Variants in PLCG2 observed in about 807,000 individuals in gnomAD.
PLCG2 encodes phospholipase C gamma 2.
In PLCG2, 69 loss-of-function variants were observed where a neutral mutation model predicts 175.6. The ratio of observed to expected loss-of-function variants is 0.39; its 90% CI spans 0.32 to 0.48. PLCG2 has a LOEUF of 0.48. Ranked by LOEUF, PLCG2 falls within the 20% of genes least tolerant of loss-of-function variation. The probability of loss-of-function intolerance (pLI) is 0.91; values close to 1 mark genes in which losing one functional copy is unlikely to be tolerated. For missense variants in PLCG2, 1,798 were observed against 1,650.9 expected (o/e 1.09, Z -1.54); for synonymous variants, 827 against 624.0 (o/e 1.33, Z -4.85).
At chr16:81,820,529 G>C (rs1904748360) in intron 2 of PLCG2, among the ~76,000 whole-genome samples, 1 of 152,206 alleles carries the variant, frequency 6.6e-6, no homozygotes, top group Non-Finnish European at 1.5e-5. Flanking sequence ...CAGCATTCCA[G>C]TGACCGAATA....
At chr16:81,874,017 G>T (rs909000716) in intron 7 of PLCG2, among the ~76,000 whole-genome samples, 6 of 152,192 alleles carry the variant, frequency 3.9e-5, no homozygotes, top group African/African-American at 1.4e-4. Context: ...ATTGCCCCGT[G>T]TGGAACTTTG....
chr16:81,957,594 G>A (rs76743224), intron 32 of PLCG2, among the ~76,000 whole-genome samples: 2,364 of 152,204 alleles, frequency 0.016, 55 homozygotes, highest in African/African-American at 0.054. Flanking sequence ...GGTGCGGGGC[G>A]GCCGGGGTTG....
intron 14 of PLCG2, among the ~76,000 whole-genome samples, chr16:81,902,631 A>G (rs979806256): frequency 1.3e-5 from 2 of 151,910 alleles, no homozygotes; most frequent in African/African-American, 4.8e-5. Flanking sequence ...TGAGAGCTCT[A>G]CCCTCATTCC....
In PLCG2 at chr16:81,905,485, A is replaced by C; in HGVS notation, c.1445A>C (p.Tyr482Ser). 1 of 1,613,972 alleles carries C rather than the reference A, an allele frequency of 6.2e-7. No individual in the cohort carries two copies. The change falls in exon 15 of 33, where the codon TAC becomes TCC. Residue 482 changes from tyrosine to serine, a missense_variant. Tyr to Ser is a moderately radical substitution (Grantham distance 144, BLOSUM62 -2). Coordinates refer to ENST00000564138, the MANE Select transcript of PLCG2 (RefSeq NM_002661.5). ...GAACACAAGCAACAGGGGGAGCTGT[A>C]CATGTGGGATTCCATTGACCAGGTG... is the stretch of plus-strand genomic sequence containing the variant. ...KDEHKQQGEL[Y>S]MWDSIDQKWT...
chr16:81,770,816 T>A (rs146162216), intron 2 of PLCG2, among the ~76,000 whole-genome samples: 1 of 152,238 alleles, frequency 6.6e-6, no homozygotes, highest in African/African-American at 2.4e-5. Context: ...CCCAGCACTT[T>A]GCGGGGCCGA....
chr16:81,830,626 C>G (rs575879036), intron 2 of PLCG2, among the ~76,000 whole-genome samples: 2 of 149,456 alleles, frequency 1.3e-5, no homozygotes, highest in Non-Finnish European at 3.0e-5. Context: ...TCTTAAAAAA[C>G]AACAACAAAA....
intron 22 of PLCG2, among the ~76,000 whole-genome samples, chr16:81,925,894 A>AGAG (rs60349380): frequency 7.9e-6 from 1 of 126,320 alleles, no homozygotes; most frequent in Admixed American, 7.7e-5. Context: ...TCAAAAAAAA[A>AGAG]AAAAAAAAAA....
intron 7 of PLCG2, among the ~76,000 whole-genome samples, chr16:81,874,946 G>GTGTTTTTTTGTTTTTT (rs1907694716): frequency 2.3e-5 from 1 of 42,848 alleles, no homozygotes; most frequent in African/African-American, 7.1e-5. Context: ...ACTATCCTAT[G>GTGTTTTTTTGTTTTTT]TGTTTTTTTT....
chr16:81,937,936 C>G (rs1379964892), intron 28 of PLCG2, 33 bp downstream of exon 28: 3 of 1,609,366 alleles, frequency 1.9e-6, no homozygotes, highest in Admixed American at 1.7e-5. Flanking sequence ...GCCAGGGGAG[C>G]CAGCCGCCCT....
chr16:81,870,385 C>G (rs1907454867), intron 6 of PLCG2, among the ~76,000 whole-genome samples: 1 of 152,226 alleles, frequency 6.6e-6, no homozygotes, highest in Non-Finnish European at 1.5e-5. Context: ...TTCTGTCTGA[C>G]TCCCAATGCT....
At chr16:81,839,537 T>C (rs1019621140) in intron 2 of PLCG2, among the ~76,000 whole-genome samples, 1 of 152,232 alleles carries the variant, frequency 6.6e-6, no homozygotes, top group Non-Finnish European at 1.5e-5. Context: ...CCATGAGTAC[T>C]ATTTTATATC....
chr16:81,883,240 C>G (rs749205805), intron 8 of PLCG2, 29 bp from the exon 9 acceptor site: 22 of 1,606,678 alleles, frequency 1.4e-5, no homozygotes, highest in African/African-American at 8.0e-5. Flanking sequence ...GTGTCTGTCT[C>G]TAACTGCACC....
intron 2 of PLCG2, among the ~76,000 whole-genome samples, chr16:81,832,147 A>G (rs926762274): frequency 6.6e-6 from 1 of 152,096 alleles, no homozygotes; most frequent in African/African-American, 2.4e-5. Flanking sequence ...TGGCACTCAA[A>G]TGAGGAAATG....
At chr16:81,761,798 T>C (rs1910046490) in intron 2 of PLCG2, among the ~76,000 whole-genome samples, 1 of 151,858 alleles carries the variant, frequency 6.6e-6, no homozygotes, top group Admixed American at 6.6e-5. Flanking sequence ...CAAGCATCCA[T>C]CTAGTCACTA....
chr16:81,849,573 A>T (rs1461761259), intron 2 of PLCG2, among the ~76,000 whole-genome samples: 1 of 152,086 alleles, frequency 6.6e-6, no homozygotes, highest in African/African-American at 2.4e-5. Context: ...AGCCTGACCT[A>T]TATGGTGAAA....
intron 31 of PLCG2, among the ~76,000 whole-genome samples, chr16:81,952,295 A>C (rs1911398085): frequency 6.6e-6 from 1 of 152,134 alleles, no homozygotes; most frequent in Non-Finnish European, 1.5e-5. Context: ...AGATGAATAA[A>C]TGTGTGTGTT....
chr16:81,871,361 TAG>T (rs2143534102), intron 7 of PLCG2, among the ~76,000 whole-genome samples: 1 of 152,314 alleles, frequency 6.6e-6, no homozygotes, highest in East Asian at 1.9e-4. Context: ...TGTTTTGAGA[TAG>T]AGTCTCACTC....
At chr16:81,855,161 A>C (rs575967274) in intron 3 of PLCG2, among the ~76,000 whole-genome samples, 1 of 150,786 alleles carries the variant, frequency 6.6e-6, no homozygotes, top group African/African-American at 2.4e-5. Context: ...TCACTCCCCT[A>C]CAGTCTGGGT....
At position 81,875,127 on chromosome 16, in the gene PLCG2, C is replaced by G. The variant is rs1417016283; in HGVS notation, c.648+4192C>G. Among the ~76,000 whole-genome samples, 3 of 151,956 alleles carry G rather than the reference C, an allele frequency of 2.0e-5. No homozygotes were observed. The East Asian group carries it at 5.8e-4, about 29-fold the overall frequency. ...TACAGGCATGCACCATCACGCCTGG[C>G]TAATTTTTGTATTTTTAATTGAAAC... On this transcript the variant is annotated intron_variant, in intron 7 of 32. Transcript: ENST00000564138.
Sources: allele counts gnomAD v4.1 joint callset (sites outside exome capture counted in the v4.1 genomes callset), GRCh38; gene constraint gnomAD v4.1.1; transcripts MANE v1.5; gene names NCBI Gene and HGNC (gene_info 2026-07-23, HGNC 2026-07-21).